Variants in MMP19 observed in about 807,000 individuals in gnomAD.
MMP19 encodes matrix metalloproteinase-19.
Under a neutral mutation model 46.6 loss-of-function variants are expected in MMP19, and 47 were observed. The ratio of observed to expected loss-of-function variants is 1.01; its 90% confidence interval spans 0.80 to 1.29. The LOEUF (loss-of-function observed/expected upper bound fraction) is 1.29, where lower values mean the gene tolerates loss of function less well. MMP19 is among the 50% of genes most tolerant of loss of function. The probability of loss-of-function intolerance (pLI) is 0.00; values close to 1 mark genes in which losing one functional copy is unlikely to be tolerated. For synonymous variants in MMP19, 222 were observed against 248.5 expected (o/e 0.89, Z 1.00); for missense variants, 589 against 643.5 (o/e 0.92, Z 0.92).
chr12:55,836,908 G>C lies in MMP19; in HGVS notation c.*128C>G. On this transcript the variant is annotated 3_prime_UTR_variant, in exon 9 of 9. Coordinates refer to ENST00000322569, the MANE Select transcript of MMP19 (RefSeq NM_002429.6). ...CGGTCTTGCGCCTGCTACAGCACCT[G>C]CAAGGTTCTACTGAGCAGACAGGTA... The C allele has an allele frequency of 1.1e-6, 1 of 873,164 alleles. No individual in the cohort carries two copies. The highest frequency in any genetic ancestry group is 1.7e-6 in the Non-Finnish European group (1 of 571,918). 54.1% of individuals were successfully genotyped at this position (873,164 alleles called of 1,614,324 possible). A position where few individuals can be genotyped will look rare whatever the true frequency, so the allele number is the denominator to read the frequency against.
intron 5 of MMP19, 142 bp downstream of exon 5, chr12:55,839,354 G>GA: frequency 9.4e-7 from 1 of 1,063,362 alleles, no homozygotes; most frequent in Non-Finnish European, 1.3e-6. Context: ...AACTGCTCCT[G>GA]AAAATGAAGA....
Position 55,840,960 on chromosome 12 carries a change from T to TC in MMP19, c.305-79dup, listed in dbSNP as rs1004140739. The TC allele has an allele frequency of 3.4e-5, 52 of 1,532,882 alleles. No homozygotes were observed. In the African/African-American group the frequency reaches 5.6e-4, roughly 17 times the overall value. 95.0% of individuals were successfully genotyped at this position (1,532,882 alleles called of 1,614,324 possible). ...AGAGAGCTCCTCTGGGTTTAGGCACTCAACCCCCAAGACAGGTGACAACCA... is the reference window on the plus strand; with the variant it reads ...AGAGAGCTCCTCTGGGTTTAGGCACTCCAACCCCCAAGACAGGTGACAACCA... On this transcript the variant is annotated intron_variant, in intron 3 of 8. Coordinates refer to ENST00000322569, the MANE Select transcript of MMP19 (RefSeq NM_002429.6).
chr12:55,837,224 C>T lies in MMP19; in HGVS notation c.1339G>A (p.Val447Ile), dbSNP rs139391771. Reference protein sequence around the residue: ...DGRVYFFKGKVYWRLNQQLRV... With the variant: ...DGRVYFFKGKIYWRLNQQLRV... ...AGCTGCTGGTTGAGGCGCCAGTAGA[C>T]TTTGCCCTTGAAGAAGTAGACTCGG... Residue 447 changes from valine (V) to isoleucine (I), a missense_variant, in exon 9 of 9, where the codon GTC (valine) becomes ATC (isoleucine). Transcript: ENST00000322569. 1.6e-4 allele frequency: 257 copies of T among 1,614,212 alleles called. No individual in the cohort carries two copies. Among genetic ancestry groups the T allele is most frequent in the Non-Finnish European group, 2.5e-6 (3 of 1,180,032 alleles).
chr12:55,837,406 GGAA>G, intron 8 of MMP19, 32 bp from the exon 9 acceptor site: 1 of 1,581,682 alleles, frequency 6.3e-7, no homozygotes, highest in Non-Finnish European at 8.6e-7. Context: ...AGAGGGGAGA[GGAA>G]GAGGAGAGAG....
At position 55,840,866 on chromosome 12, in the gene MMP19, C is replaced by A; in HGVS notation, c.321G>T (p.Lys107Asn). 6.3e-7 allele frequency: 1 copy of A among 1,587,296 alleles called. No homozygotes were observed. The change falls in exon 4 of 9, where the codon AAG becomes AAT. Residue 107 changes from lysine (K) to asparagine (N), a missense_variant. By Grantham distance (94) the Lys-to-Asn change is moderately conservative. Transcript: ENST00000322569. ...KYLLLGRWRK[K>N]HLTFRILNLP... ...GGTTCAAGATGCGGAAAGTCAGGTG[C>A]TTCTTTCTCCAGCGGCCTAGTTAAT...
Position 55,837,583 on chromosome 12 carries a change from G to T in MMP19, c.1160C>A (p.Pro387His). Reference protein sequence around the residue: ...EPNLDAALYWPLNQKVFLFKG... With the variant: ...EPNLDAALYWHLNQKVFLFKG... ...AAAGAGGAACACCTTTTGGTTGAGA[G>T]GCCAATAGAGAGCTGCATCCAGGTT... The change falls in exon 8 of 9, where the codon CCT becomes CAT. Residue 387 changes from proline to histidine, a missense_variant. Transcript: ENST00000322569. 1.2e-6 allele frequency: 2 copies of T among 1,614,188 alleles called. No homozygotes were observed. Among genetic ancestry groups the T allele is most frequent in the Non-Finnish European group, 1.7e-6 (2 of 1,180,042 alleles).
Position 55,836,265 on chromosome 12 carries a change from G to T in MMP19, c.*771C>A, listed in dbSNP as rs1037390402. The T allele has an allele frequency of 6.6e-6, 1 of 152,236 alleles. No individual in the cohort carries two copies. Among genetic ancestry groups the T allele is most frequent in the Non-Finnish European group, 1.5e-5 (1 of 68,040 alleles). 9.4% of individuals were successfully genotyped at this position (152,236 alleles called of 1,614,324 possible). On this transcript the variant is annotated 3_prime_UTR_variant, in exon 9 of 9. Coordinates refer to ENST00000322569, the MANE Select transcript of MMP19 (RefSeq NM_002429.6). The stretch of plus-strand genomic sequence containing the variant: ...TACTGAACCAGGGAGTCCAGCCTCT[G>T]CTGTTGCTGCTCTTTTCTTTCTCTG...
In MMP19 at chr12:55,835,932, C is replaced by T. The variant is rs1319932111; in HGVS notation, c.*1104G>A. On this transcript the variant is annotated 3_prime_UTR_variant, in exon 9 of 9. Coordinates refer to ENST00000322569, the MANE Select transcript of MMP19 (RefSeq NM_002429.6). Reference sequence around the variant, plus strand: ...GCCTTCCCCAAAAGCTGGCTTCTTGCTCCAAGGAGAGAGCATTGACCCACC... The same window carrying T: ...GCCTTCCCCAAAAGCTGGCTTCTTGTTCCAAGGAGAGAGCATTGACCCACC... The T allele has an allele frequency of 3.3e-5, 5 of 152,344 alleles. No individual in the cohort carries two copies. Among genetic ancestry groups the T allele is most frequent in the African/African-American group, 9.6e-5 (4 of 41,458 alleles). The allele number at this position is 152,344 out of a possible 1,614,324, so 9.4% of individuals were successfully genotyped here.
At chr12:55,837,760 A>C (rs745608340) in intron 7 of MMP19, 78 bp from the exon 8 acceptor site, 19 of 1,601,708 alleles carry the variant, frequency 1.2e-5, no homozygotes, top group Non-Finnish European at 1.5e-5. Context: ...CCACCTATTC[A>C]GAAACTTCTC....
At position 55,837,554 on chromosome 12, in the gene MMP19, C is replaced by A. The variant is rs762291808; in HGVS notation, c.1188+1G>T. On this transcript the variant is annotated splice_donor_variant, in intron 8 of 8. Coordinates refer to ENST00000322569, the MANE Select transcript of MMP19 (RefSeq NM_002429.6). LOFTEE classifies it high-confidence loss of function. ...ATTTGCCCTTGCTTTGAACTTTATA[C>A]CTTAAAGAGGAACACCTTTTGGTTG... 6.2e-7 allele frequency: 1 copy of A among 1,614,174 alleles called. No individual in the cohort carries two copies. The highest frequency in any genetic ancestry group is 8.5e-7 in the Non-Finnish European group (1 of 1,180,050).
chr12:55,839,010 C>T (rs1349304903), intron 5 of MMP19, among the ~76,000 whole-genome samples: 2 of 151,960 alleles, frequency 1.3e-5, no homozygotes, highest in African/African-American at 2.4e-5. Context: ...GAGGCTGAGG[C>T]GGGTGGATTG....
At position 55,842,435 on chromosome 12, in the gene MMP19, A is replaced by AT. The variant is rs1203347054; in HGVS notation, c.90_91insA (p.Tyr31IlefsTer16). On this transcript the variant is annotated frameshift_variant, in exon 2 of 9. Coordinates refer to ENST00000322569, the MANE Select transcript of MMP19 (RefSeq NM_002429.6). LOFTEE classifies it high-confidence loss of function. Reference sequence around the variant, plus strand: ...TGTAGGTACCCATATTGTGACAGGTAGTCCTATGATGGGAGTGGAGGTAAG... The same window carrying AT: ...TGTAGGTACCCATATTGTGACAGGTATGTCCTATGATGGGAGTGGAGGTAAG... The AT allele has an allele frequency of 6.2e-7, 1 of 1,610,886 alleles. No individual in the cohort carries two copies. The highest frequency in any genetic ancestry group is 1.7e-5 in the Admixed American group (1 of 59,968).
At chr12:55,838,511 A>G (rs567212360) in intron 6 of MMP19, 95 bp downstream of exon 6, 9 of 1,610,536 alleles carry the variant, frequency 5.6e-6, no homozygotes, top group African/African-American at 1.3e-5. Flanking sequence ...TCCATTGCTC[A>G]TGCTGAAGTC....
Position 55,841,367 on chromosome 12 carries a change from T to C in MMP19, c.174-131A>G. The C allele has an allele frequency of 3.0e-6, 3 of 1,007,638 alleles. No homozygotes were observed. The South Asian group carries it at 4.5e-5, about 15-fold the overall frequency. The allele number at this position is 1,007,638 out of a possible 1,614,324, so 62.4% of individuals were successfully genotyped here. A position where few individuals can be genotyped will look rare whatever the true frequency, so the allele number is the denominator to read the frequency against. On this transcript the variant is annotated intron_variant, in intron 2 of 8. Transcript: ENST00000322569. ...CACAGAATCCCTGAAGCTGACAGGG[T>C]TACTCCAGCCTCCAGTCCTCATAAC...
In MMP19 at chr12:55,839,549, C is replaced by T. The variant is rs138516871; in HGVS notation, c.713G>A (p.Arg238Gln). Reference protein sequence around the residue: ...ALMAPVYEGYRPHFKLHPDDV... With the variant: ...ALMAPVYEGYQPHFKLHPDDV... ...ATCTGGGTGCAGCTTAAAGTGGGGC[C>T]GGTAGCCCTCGTAGACTGGGGCCAT... is the stretch of plus-strand genomic sequence containing the variant. The change falls in exon 5 of 9, where the codon CGG becomes CAG. Residue 238 changes from arginine (R) to glutamine (Q), a missense_variant. Transcript: ENST00000322569. 76 of 1,613,920 alleles carry T rather than the reference C, an allele frequency of 4.7e-5. No individual in the cohort carries two copies. The highest frequency in any genetic ancestry group is 6.0e-5 in the Non-Finnish European group (71 of 1,179,814).
At chr12:55,838,062 A>G in intron 6 of MMP19, 55 bp from the exon 7 acceptor site, 2 of 1,491,422 alleles carry the variant, frequency 1.3e-6, no homozygotes, top group Non-Finnish European at 1.8e-6. Context: ...GTAGACAGAA[A>G]CTTGGGGGTA....
In MMP19 at chr12:55,835,879, C is replaced by T. The variant is rs1881176391; in HGVS notation, c.*1157G>A. The stretch of plus-strand genomic sequence containing the variant: ...ACTTCTCTCCTCAACCTGGGGAAGA[C>T]CACAGGGCAGTGCCTGCCTCAGGAC... On this transcript the variant is annotated 3_prime_UTR_variant, in exon 9 of 9. Coordinates refer to ENST00000322569, the MANE Select transcript of MMP19 (RefSeq NM_002429.6). The T allele has an allele frequency of 1.3e-5, 2 of 151,672 alleles. No homozygotes were observed. Among genetic ancestry groups the T allele is most frequent in the Admixed American group, 1.3e-4 (2 of 15,194 alleles). 9.4% of individuals were successfully genotyped at this position (151,672 alleles called of 1,614,324 possible).
intron 5 of MMP19, 78 bp downstream of exon 5, chr12:55,839,418 T>A: frequency 6.7e-7 from 1 of 1,501,070 alleles, no homozygotes; most frequent in Non-Finnish European, 8.9e-7. Context: ...TATCCCTACA[T>A]GGAGGCTAGA....
chr12:55,840,747 A>G lies in MMP19; in HGVS notation c.440T>C (p.Val147Ala), dbSNP rs773100051. 1.9e-6 allele frequency: 3 copies of G among 1,613,946 alleles called. No homozygotes were observed. In the East Asian group the frequency reaches 6.7e-5, roughly 36 times the overall value. The change falls in exon 4 of 9, where the codon GTG (valine) becomes GCG (alanine). Residue 147 changes from valine (V) to alanine (A), a missense_variant. Transcript: ENST00000322569. The part of the protein sequence containing the change: ...SNVAPLTFQE[V>A]QAGAADIRLS... Reference sequence around the variant, plus strand: ...GCGGATGTCAGCCGCACCAGCCTGCACCTCTTGGAAGGTCAAGGGAGCCAC... The same window carrying G: ...GCGGATGTCAGCCGCACCAGCCTGCGCCTCTTGGAAGGTCAAGGGAGCCAC...
Sources: allele counts gnomAD v4.1 joint callset (sites outside exome capture counted in the v4.1 genomes callset), GRCh38; gene constraint gnomAD v4.1.1; transcripts MANE v1.5; gene names NCBI Gene and HGNC (gene_info 2026-07-23, HGNC 2026-07-21).